The following SNRPN variants were observed in gnomAD, a reference collection of about 807,000 sequenced individuals.
SNRPN encodes the protein small nuclear ribonucleoprotein-associated protein N.
A neutral mutation model predicts 25.2 loss-of-function variants in SNRPN; 7 were observed. The ratio of observed to expected loss-of-function variants is 0.28; its 90% CI spans 0.16 to 0.52. SNRPN has a LOEUF of 0.52. Among genes scored for constraint, SNRPN ranks in the 20% least tolerant of loss-of-function variants. SNRPN has a pLI of 0.96. For synonymous variants in SNRPN, 124 were observed against 110.6 expected (o/e 1.12, Z -0.76); for missense variants, 196 against 322.5 (o/e 0.61, Z 3.00).
At chr15:24,877,220 C>T (rs1423105459) in intron 1 of SNRPN, among the ~76,000 whole-genome samples, 1 of 152,146 alleles carries the variant, frequency 6.6e-6, no homozygotes, top group Non-Finnish European at 1.5e-5. Context: ...GACCTCCCTA[C>T]GAAAGATGCT....
intron 2 of SNRPN, among the ~76,000 whole-genome samples, chr15:24,889,879 T>G (rs28577266): frequency 0.43 from 65,247 of 150,770 alleles, 14,546 homozygotes; most frequent in Middle Eastern, 0.52. Flanking sequence ...GTGAAACCCC[T>G]TCTCTACTAA....
chr15:24,830,071 C>G (rs1272358055), intron 2 of SNRPN, among the ~76,000 whole-genome samples: 1 of 152,088 alleles, frequency 6.6e-6, no homozygotes, highest in Non-Finnish European at 1.5e-5. Context: ...TGTTCGCATA[C>G]AAACCCCACA....
intron 2 of SNRPN, among the ~76,000 whole-genome samples, chr15:24,845,409 C>T (rs142354237): frequency 0.021 from 3,198 of 152,198 alleles, 52 homozygotes; most frequent in Non-Finnish European, 0.032. Flanking sequence ...ACCAGCCTGA[C>T]CAACATGGGG....
At chr15:24,910,711 T>A (rs1017373003) in intron 2 of SNRPN, among the ~76,000 whole-genome samples, 76 of 152,108 alleles carry the variant, frequency 5.0e-4, no homozygotes, top group African/African-American at 1.8e-3. Flanking sequence ...GCCAGGCTGG[T>A]CTCGAACTCC....
At chr15:24,958,386 C>CCTT (rs1400673835) in intron 1 of SNRPN, among the ~76,000 whole-genome samples, 26 of 124,218 alleles carry the variant, frequency 2.1e-4, no homozygotes, top group Admixed American at 7.5e-4. Context: ...GTCCTGTCTC[C>CCTT]TTTTTTTTTT....
intron 1 of SNRPN, among the ~76,000 whole-genome samples, chr15:24,824,244 T>A (rs1397743992): frequency 1.3e-5 from 2 of 152,122 alleles, no homozygotes; most frequent in African/African-American, 2.4e-5. Context: ...CTTAGTTTGT[T>A]CTTATTGTGG....
At chr15:24,833,315 C>T (rs1468205358) in intron 2 of SNRPN, among the ~76,000 whole-genome samples, 1 of 151,798 alleles carries the variant, frequency 6.6e-6, no homozygotes, top group Non-Finnish European at 1.5e-5. Context: ...ACTTATAGCA[C>T]CTGGAATGCT....
chr15:24,944,000 T>G (rs1596064429), intron 3 of SNRPN, among the ~76,000 whole-genome samples: 1 of 152,184 alleles, frequency 6.6e-6, no homozygotes, highest in East Asian at 1.9e-4. Context: ...TTTTGTATTT[T>G]TAGTAGAGAC....
chr15:24,941,550 G>A lies in SNRPN; in HGVS notation c.-390-20564G>A, dbSNP rs557770359. Among the ~76,000 whole-genome samples the A allele has an allele frequency of 3.2e-4, 49 of 152,304 alleles. No individual in the cohort carries two copies. The South Asian group carries it at 9.7e-3, about 30-fold the overall frequency. ...GTCCTGCCTGAATTTCGTTGTTAGA[G>A]TTTTCCATGGGCTTTGGTCACAGAG... On this transcript the variant is annotated intron_variant, in intron 3 of 11. Transcript: ENST00000400097.
chr15:24,828,436 TA>T (rs2050253179), intron 1 of SNRPN, among the ~76,000 whole-genome samples: 1 of 152,014 alleles, frequency 6.6e-6, no homozygotes, highest in Non-Finnish European at 1.5e-5. Flanking sequence ...GCTATTGTGA[TA>T]AAATTTGAAA....
intron 1 of SNRPN, among the ~76,000 whole-genome samples, chr15:24,882,623 G>C (rs1022437144): frequency 6.6e-6 from 1 of 151,866 alleles, no homozygotes; most frequent in Non-Finnish European, 1.5e-5. Flanking sequence ...TCAGGAGTTC[G>C]AGACCAGCCT....
At chr15:24,898,542 C>T (rs1007414736) in intron 2 of SNRPN, among the ~76,000 whole-genome samples, 4 of 151,406 alleles carry the variant, frequency 2.6e-5, no homozygotes, top group East Asian at 2.0e-4. Flanking sequence ...GAGCGAAGAT[C>T]GCACCACTGC....
intron 1 of SNRPN, among the ~76,000 whole-genome samples, chr15:24,886,360 A>G (rs1174912344): frequency 4.6e-5 from 7 of 152,154 alleles, no homozygotes. Flanking sequence ...CCACTTGCCC[A>G]TGCTGTACTT....
chr15:24,910,828 GTTTA>G, intron 2 of SNRPN: 1 of 543,028 alleles, frequency 1.8e-6, no homozygotes, highest in African/African-American at 1.9e-5. Context: ...TCCAAAATGT[GTTTA>G]TTGAGATGGT....
At chr15:24,973,359 C>G (rs2076675194) in intron 3 of SNRPN, among the ~76,000 whole-genome samples, 2 of 152,154 alleles carry the variant, frequency 1.3e-5, no homozygotes, top group Non-Finnish European at 2.9e-5. Context: ...TCACCAAATG[C>G]ATTTCTCCTA....
At chr15:24,946,734 A>G (rs972409244) in intron 3 of SNRPN, among the ~76,000 whole-genome samples, 15 of 152,178 alleles carry the variant, frequency 9.9e-5, no homozygotes, top group Admixed American at 5.2e-4. Context: ...CTCCCAAAAT[A>G]TTGGGATTAT....
intron 1 of SNRPN, among the ~76,000 whole-genome samples, chr15:24,873,529 G>A (rs1285855443): frequency 2.0e-5 from 3 of 149,416 alleles, no homozygotes; most frequent in Non-Finnish European, 4.4e-5. Flanking sequence ...CTCACTGCAA[G>A]CTCCGCCTCC....
At chr15:24,839,857 A>G (rs754105219) in intron 2 of SNRPN, among the ~76,000 whole-genome samples, 35 of 151,524 alleles carry the variant, frequency 2.3e-4, no homozygotes, top group East Asian at 1.5e-3. Flanking sequence ...CCTGCTGGTC[A>G]CATGTGGTCC....
chr15:24,898,208 C>G lies in SNRPN; in HGVS notation c.-505+11619C>G, dbSNP rs576990154. On this transcript the variant is annotated intron_variant, in intron 2 of 11. Coordinates refer to the SNRPN transcript ENST00000400097. ...AAAAACAGAGACAAACATTTCTGAGCAAAAATGCAAGCTTTTTAAAAAAAA... is the reference window on the plus strand; with the variant it reads ...AAAAACAGAGACAAACATTTCTGAGGAAAAATGCAAGCTTTTTAAAAAAAA... Among the ~76,000 whole-genome samples, 240 of 152,184 alleles carry G rather than the reference C, an allele frequency of 1.6e-3. 1 individual carries two copies. The highest frequency in any genetic ancestry group is 5.5e-3 in the African/African-American group (230 of 41,540).
Sources: gnomAD v4.1 joint callset for allele counts (sites outside exome capture counted in the v4.1 genomes callset) on GRCh38, gnomAD v4.1.1 for gene constraint, MANE v1.5 for transcripts, NCBI Gene and HGNC (gene_info 2026-07-23, HGNC 2026-07-21) for gene names.